STK39: variants seen among roughly 807,000 people sequenced by gnomAD.
STK39 encodes serine/threonine kinase 39.
A neutral mutation model predicts 77.8 loss-of-function variants in STK39; 20 were observed. The ratio of observed to expected loss-of-function variants is 0.26; its 90% confidence interval spans 0.18 to 0.37. STK39 has a LOEUF of 0.37. Ranked by LOEUF, STK39 falls within the 10% of genes least tolerant of loss-of-function variation. The pLI is 1.00. For missense variants in STK39, 479 were observed against 656.5 expected (o/e 0.73, Z 2.95); for synonymous variants, 246 against 234.1 (o/e 1.05, Z -0.47).
At chr2:168,106,366 T>C (rs1686973842) in intron 10 of STK39, among the ~76,000 whole-genome samples, 1 of 152,200 alleles carries the variant, frequency 6.6e-6, no homozygotes, top group Non-Finnish European at 1.5e-5. Flanking sequence ...GGCGCAATCT[T>C]TGACTTAGTT....
chr2:168,176,214 C>T (rs1255731960), intron 2 of STK39, among the ~76,000 whole-genome samples: 1 of 151,978 alleles, frequency 6.6e-6, no homozygotes, highest in Non-Finnish European at 1.5e-5. Context: ...CACTATCTTT[C>T]TAGAATAAAC....
intron 4 of STK39, among the ~76,000 whole-genome samples, chr2:168,162,808 A>T (rs886659786): frequency 6.6e-6 from 1 of 152,054 alleles, no homozygotes; most frequent in Non-Finnish European, 1.5e-5. Context: ...TGGGCAGATC[A>T]TCTGGGATCA....
intron 10 of STK39, among the ~76,000 whole-genome samples, chr2:168,096,813 C>A (rs1686680182): frequency 6.6e-6 from 1 of 151,994 alleles, no homozygotes; most frequent in Non-Finnish European, 1.5e-5. Context: ...GATATAATGT[C>A]TGAGTTAAAG....
chr2:168,216,357 T>G (rs982749272), intron 1 of STK39, among the ~76,000 whole-genome samples: 2 of 152,212 alleles, frequency 1.3e-5, no homozygotes, highest in African/African-American at 4.8e-5. Context: ...TTGGTTTGGG[T>G]TTTTGTTTTG....
At chr2:168,197,402 T>C (rs1430911705) in intron 1 of STK39, among the ~76,000 whole-genome samples, 1 of 152,210 alleles carries the variant, frequency 6.6e-6, no homozygotes, top group Non-Finnish European at 1.5e-5. Flanking sequence ...CACCAGAATA[T>C]GTTCTGCATG....
intron 14 of STK39, among the ~76,000 whole-genome samples, chr2:168,026,464 A>C (rs1684700883): frequency 6.6e-6 from 1 of 152,250 alleles, no homozygotes; most frequent in Non-Finnish European, 1.5e-5. Flanking sequence ...CTTGTCTAAG[A>C]TAACACAGCT....
chr2:167,962,244 A>G (rs887327749), intron 17 of STK39, among the ~76,000 whole-genome samples: 4 of 152,228 alleles, frequency 2.6e-5, no homozygotes, highest in Admixed American at 2.0e-4. Context: ...CTGCTGAAAT[A>G]CTTTGATCTT....
At chr2:168,198,859 T>C (rs1436581112) in intron 1 of STK39, among the ~76,000 whole-genome samples, 1 of 152,266 alleles carries the variant, frequency 6.6e-6, no homozygotes, top group Non-Finnish European at 1.5e-5. Flanking sequence ...CATGTTTGAG[T>C]AAATTTAGAA....
chr2:168,144,615 A>G (rs1036792070), intron 5 of STK39, among the ~76,000 whole-genome samples: 2 of 150,370 alleles, frequency 1.3e-5, no homozygotes, highest in Admixed American at 1.3e-4. Context: ...CTCAATTTCT[A>G]TATTACTTTC....
At chr2:168,128,953 T>C (rs1025010113) in intron 10 of STK39, among the ~76,000 whole-genome samples, 1 of 152,076 alleles carries the variant, frequency 6.6e-6, no homozygotes, top group Non-Finnish European at 1.5e-5. Flanking sequence ...AAATCTGTAA[T>C]TACAAATAAA....
intron 1 of STK39, among the ~76,000 whole-genome samples, chr2:168,201,784 ACAATTCCCTCAGC>A (rs796197176): frequency 2.0e-5 from 3 of 152,234 alleles, no homozygotes; most frequent in African/African-American, 7.2e-5. Flanking sequence ...ACCCCAAGTC[ACAATTCCCTCAGC>A]CAATGAACAA....
In STK39 at chr2:168,246,010, G is replaced by A. The variant is rs142991738; in HGVS notation, c.208+1218C>T. On this transcript the variant is annotated intron_variant, in intron 1 of 17. Coordinates refer to ENST00000355999, the MANE Select transcript of STK39 (RefSeq NM_013233.3). ...ATGCTGTTTTATTCCCCAATAGCAG[G>A]TGATAAAGGCTCATTTAAACACCTA... 3.6e-3 allele frequency among the ~76,000 whole-genome samples: 541 copies of A among 152,082 alleles called. 2 individuals are homozygous for A. The highest frequency in any genetic ancestry group is 0.013 in the African/African-American group (520 of 41,486).
intron 14 of STK39, among the ~76,000 whole-genome samples, chr2:168,039,675 G>T (rs550874396): frequency 6.6e-6 from 1 of 151,940 alleles, no homozygotes; most frequent in African/African-American, 2.4e-5. Flanking sequence ...GATTGCAAAA[G>T]GGACACAAGG....
At chr2:168,098,224 A>C (rs1304289118) in intron 10 of STK39, among the ~76,000 whole-genome samples, 1 of 152,236 alleles carries the variant, frequency 6.6e-6, no homozygotes, top group Non-Finnish European at 1.5e-5. Flanking sequence ...TACTTTTAAT[A>C]ATCAAATATC....
At chr2:168,102,729 A>C (rs1195462301) in intron 10 of STK39, among the ~76,000 whole-genome samples, 1 of 152,076 alleles carries the variant, frequency 6.6e-6, no homozygotes, top group East Asian at 1.9e-4. Flanking sequence ...GGAGATTGAG[A>C]CCTTCCTGGC....
At chr2:168,166,945 A>C (rs1041714205) in intron 3 of STK39, among the ~76,000 whole-genome samples, 1 of 152,120 alleles carries the variant, frequency 6.6e-6, no homozygotes, top group Non-Finnish European at 1.5e-5. Context: ...GTGACCTTTT[A>C]GGCCTGAGCA....
At chr2:168,103,722 C>T (rs574360950) in intron 10 of STK39, among the ~76,000 whole-genome samples, 11 of 152,102 alleles carry the variant, frequency 7.2e-5, no homozygotes, top group South Asian at 4.2e-4. Flanking sequence ...TGGTTGGTAC[C>T]GGAGGCTATG....
At chr2:168,021,408 T>C (rs535786199) in intron 14 of STK39, among the ~76,000 whole-genome samples, 2 of 152,172 alleles carry the variant, frequency 1.3e-5, no homozygotes, top group African/African-American at 2.4e-5. Context: ...CCCATCAAGA[T>C]GAAATATAGT....
intron 2 of STK39, among the ~76,000 whole-genome samples, chr2:168,176,793 A>G (rs1180324653): frequency 6.6e-6 from 1 of 152,106 alleles, no homozygotes; most frequent in Non-Finnish European, 1.5e-5. Flanking sequence ...TGTGTACCCA[A>G]ATCTATGAAT....
Sources: gnomAD v4.1 joint callset for allele counts (sites outside exome capture counted in the v4.1 genomes callset) on GRCh38, gnomAD v4.1.1 for gene constraint, MANE v1.5 for transcripts, NCBI Gene and HGNC (gene_info 2026-07-23, HGNC 2026-07-21) for gene names.